The following KIAA0825 variants were observed in gnomAD, a reference collection of about 807,000 sequenced individuals.
KIAA0825 encodes the protein KIAA0825.
In KIAA0825, 119 loss-of-function variants were observed where a neutral mutation model predicts 147.6. The ratio of observed to expected loss-of-function variants is 0.81; its 90% CI spans 0.69 to 0.94. KIAA0825 has a LOEUF of 0.94. KIAA0825 is among the 40% of genes least tolerant of loss of function. KIAA0825 has a pLI of 0.00. For missense variants in KIAA0825, 1,381 were observed against 1,472.7 expected (o/e 0.94, Z 1.02); for synonymous variants, 470 against 518.1 (o/e 0.91, Z 1.26).
intron 20 of KIAA0825, among the ~76,000 whole-genome samples, chr5:94,301,109 T>A (rs1288061321): frequency 1.3e-5 from 2 of 152,192 alleles, no homozygotes; most frequent in African/African-American, 4.8e-5. Flanking sequence ...TCTTTCACTT[T>A]TAAATTGCTC....
rs190556407 is a variant in KIAA0825 at position 94,553,200 on chromosome 5, A to G, written c.-1-16073T>C. On this transcript the variant is annotated intron_variant, in intron 2 of 20. Transcript: ENST00000682413. ...ACGCCTGTAATCCCAGTACTTTGGG[A>G]GGCGGAGGCGGGTGGATCACCTGAG... 2.5e-4 allele frequency among the ~76,000 whole-genome samples: 38 copies of G among 152,228 alleles called. No individual in the cohort carries two copies. The East Asian group carries it at 5.4e-3, about 22-fold the overall frequency.
At chr5:94,221,083 T>G (rs149907281) in intron 20 of KIAA0825, among the ~76,000 whole-genome samples, 2 of 152,290 alleles carry the variant, frequency 1.3e-5, no homozygotes, top group East Asian at 3.9e-4. Context: ...ATTCATTTTC[T>G]CTCTTCCGAG....
At chr5:94,490,143 A>T (rs1763562152) in intron 5 of KIAA0825, among the ~76,000 whole-genome samples, 1 of 152,170 alleles carries the variant, frequency 6.6e-6, no homozygotes, top group African/African-American at 2.4e-5. Flanking sequence ...CAGTCAACAC[A>T]AGTGTAAAAT....
Position 94,177,918 on chromosome 5 carries a change from TG to T in KIAA0825, c.3711-23795del, listed in dbSNP as rs1413136819. Among the ~76,000 whole-genome samples the T allele has an allele frequency of 9.9e-5, 15 of 152,172 alleles. No individual in the cohort carries two copies. The East Asian group carries it at 2.9e-3, about 29-fold the overall frequency. Reference sequence around the variant, plus strand: ...CCTTCTCTTATGGAACGTATACCAGTGGCAAAGACAAATTTTGGACAAGTAA... The same window carrying T: ...CCTTCTCTTATGGAACGTATACCAGTGCAAAGACAAATTTTGGACAAGTAA... On this transcript the variant is annotated intron_variant, in intron 20 of 20. Transcript: ENST00000682413.
intron 5 of KIAA0825, 49 bp from the exon 6 acceptor site, chr5:94,484,979 A>T: frequency 8.2e-7 from 1 of 1,225,684 alleles, no homozygotes; most frequent in Non-Finnish European, 1.1e-6. Flanking sequence ...TTACCTTCTT[A>T]GTAAATATTA....
rs181134801 is a variant in KIAA0825, at chr5:94,484,813, A to G, written c.1088T>C (p.Phe363Ser). 6.7e-5 allele frequency: 103 copies of G among 1,526,604 alleles called. No homozygotes were observed. The African/African-American group carries it at 1.3e-3, about 19-fold the overall frequency. The allele number at this position is 1,526,604 out of a possible 1,614,324, so 94.6% of individuals were successfully genotyped here. A position where few individuals can be genotyped will look rare whatever the true frequency, so the allele number is the denominator to read the frequency against. Reference protein sequence around the residue: ...MKLEKGVQELFDEILLSLKIT... With the variant: ...MKLEKGVQELSDEILLSLKIT... ...CTTGAGTGATAAAAGTATTTCGTCA[A>G]ACAATTCTTGAACACCTTTTTCCAG... Residue 363 changes from phenylalanine to serine, a missense_variant, in exon 6 of 21, where the codon TTT becomes TCT. By Grantham distance (155) the Phe-to-Ser change is radical. Coordinates refer to ENST00000682413, the MANE Select transcript of KIAA0825 (RefSeq NM_001145678.3).
chr5:94,555,074 T>C (rs1006161457), intron 2 of KIAA0825, among the ~76,000 whole-genome samples: 1 of 152,070 alleles, frequency 6.6e-6, no homozygotes, highest in Non-Finnish European at 1.5e-5. Context: ...ATCTACATAA[T>C]TGCAAAAACA....
At chr5:94,318,773 C>A (rs1779894197) in intron 20 of KIAA0825, among the ~76,000 whole-genome samples, 1 of 151,886 alleles carries the variant, frequency 6.6e-6, no homozygotes. Flanking sequence ...CATAGAAGAA[C>A]TAAGCAGGCT....
At chr5:94,310,463 A>T (rs546560715) in intron 20 of KIAA0825, among the ~76,000 whole-genome samples, 1 of 151,746 alleles carries the variant, frequency 6.6e-6, no homozygotes, top group Non-Finnish European at 1.5e-5. Context: ...TTATGTTCAT[A>T]TATGACTTAC....
At chr5:94,582,819 G>T (rs1318004902) in intron 1 of KIAA0825, among the ~76,000 whole-genome samples, 1 of 152,036 alleles carries the variant, frequency 6.6e-6, no homozygotes, top group African/African-American at 2.4e-5. Flanking sequence ...GGGGCACCTT[G>T]GAAAATGCAT....
At chr5:94,491,233 G>A (rs1022856975) in intron 5 of KIAA0825, among the ~76,000 whole-genome samples, 2 of 152,100 alleles carry the variant, frequency 1.3e-5, no homozygotes, top group Non-Finnish European at 2.9e-5. Context: ...GTAAAAAGAG[G>A]TGACACACAA....
intron 5 of KIAA0825, among the ~76,000 whole-genome samples, chr5:94,490,710 T>C (rs1263466115): frequency 2.0e-5 from 3 of 152,122 alleles, no homozygotes; most frequent in Non-Finnish European, 2.9e-5. Flanking sequence ...ATTATAGATA[T>C]GTGTCTAGAT....
intron 20 of KIAA0825, among the ~76,000 whole-genome samples, chr5:94,223,939 A>G (rs1471509578): frequency 6.6e-6 from 1 of 152,012 alleles, no homozygotes; most frequent in Non-Finnish European, 1.5e-5. Flanking sequence ...CTTTTACTCT[A>G]TCCTCTGCAT....
At chr5:94,573,913 G>A (rs907824081) in intron 2 of KIAA0825, among the ~76,000 whole-genome samples, 2 of 152,072 alleles carry the variant, frequency 1.3e-5, no homozygotes, top group Admixed American at 1.3e-4. Flanking sequence ...CTGGTTTGTA[G>A]GGCATGACTC....
chr5:94,245,731 T>C (rs1775571128), intron 20 of KIAA0825, among the ~76,000 whole-genome samples: 1 of 152,102 alleles, frequency 6.6e-6, no homozygotes, highest in African/African-American at 2.4e-5. Context: ...ATGACTGATA[T>C]ATGACTAAAG....
At chr5:94,410,252 A>G (rs1464547573) in intron 15 of KIAA0825, among the ~76,000 whole-genome samples, 1 of 152,040 alleles carries the variant, frequency 6.6e-6, no homozygotes, top group African/African-American at 2.4e-5. Flanking sequence ...TATCCAAACA[A>G]AAGAACAGAC....
chr5:94,169,824 C>G (rs1305792157), intron 20 of KIAA0825, among the ~76,000 whole-genome samples: 4 of 152,124 alleles, frequency 2.6e-5, no homozygotes, highest in Non-Finnish European at 5.9e-5. Context: ...CTTTGAGGCT[C>G]TATTCTGAGT....
At chr5:94,546,442 A>C (rs1266137994) in intron 2 of KIAA0825, among the ~76,000 whole-genome samples, 1 of 151,958 alleles carries the variant, frequency 6.6e-6, no homozygotes, top group Non-Finnish European at 1.5e-5. Context: ...TTCAGGTCTG[A>C]CCCAAGGAAG....
chr5:94,323,681 A>T (rs1191460526), intron 20 of KIAA0825, among the ~76,000 whole-genome samples: 3 of 151,994 alleles, frequency 2.0e-5, no homozygotes, highest in Non-Finnish European at 2.9e-5. Flanking sequence ...CGATTCTTGT[A>T]TATGAAAAAA....
Sources: gnomAD v4.1 joint callset for allele counts (sites outside exome capture counted in the v4.1 genomes callset) on GRCh38, gnomAD v4.1.1 for gene constraint, MANE v1.5 for transcripts, NCBI Gene and HGNC (gene_info 2026-07-23, HGNC 2026-07-21) for gene names.